Variants in NALCN observed in about 807,000 individuals in gnomAD.
The protein encoded by NALCN is sodium leak channel, non-selective.
NALCN carries 111 observed loss-of-function variants against 225.3 expected under a neutral mutation model. That is an observed-to-expected ratio of 0.49 (90% CI 0.42 to 0.58). The LOEUF is 0.58. NALCN is among the 20% of genes least tolerant of loss of function. NALCN has a pLI of 0.00. For synonymous variants in NALCN, 764 were observed against 769.0 expected (o/e 0.99, Z 0.11); for missense variants, 1,378 against 2,202.4 (o/e 0.63, Z 7.49).
intron 14 of NALCN, among the ~76,000 whole-genome samples, chr13:101,189,335 C>T (rs2039585934): frequency 1.3e-5 from 2 of 152,126 alleles, no homozygotes; most frequent in African/African-American, 2.4e-5. Context: ...ATAAATGATA[C>T]TTGCATAAAT....
At chr13:101,291,101 G>T (rs1290207894) in intron 9 of NALCN, among the ~76,000 whole-genome samples, 1 of 152,044 alleles carries the variant, frequency 6.6e-6, no homozygotes, top group African/African-American at 2.4e-5. Context: ...CAAATTCTCA[G>T]GAGCCTTATG....
chr13:101,136,422 T>C (rs896983610), intron 17 of NALCN, among the ~76,000 whole-genome samples: 2 of 152,088 alleles, frequency 1.3e-5, no homozygotes, highest in Non-Finnish European at 2.9e-5. Flanking sequence ...ATCATTTACA[T>C]TAGGTATATC....
intron 7 of NALCN, among the ~76,000 whole-genome samples, chr13:101,337,215 A>C (rs924051475): frequency 6.6e-6 from 1 of 152,190 alleles, no homozygotes; most frequent in African/African-American, 2.4e-5. Flanking sequence ...AAAGCCAGAG[A>C]CCAACCCCTT....
At chr13:101,118,251 C>G (rs2035807086) in intron 18 of NALCN, among the ~76,000 whole-genome samples, 1 of 151,958 alleles carries the variant, frequency 6.6e-6, no homozygotes. Flanking sequence ...AAAAAATAGT[C>G]TATTAAAAAA....
intron 7 of NALCN, among the ~76,000 whole-genome samples, chr13:101,338,212 T>G (rs966215404): frequency 3.9e-5 from 6 of 152,352 alleles, no homozygotes; most frequent in African/African-American, 1.4e-4. Context: ...TCGTGTAGTG[T>G]TAAGGGCATA....
At chr13:101,207,159 G>C (rs1470869924) in intron 13 of NALCN, among the ~76,000 whole-genome samples, 1 of 152,114 alleles carries the variant, frequency 6.6e-6, no homozygotes, top group Admixed American at 6.6e-5. Flanking sequence ...GCTTTTTAGT[G>C]TCATTTTATA....
In NALCN at chr13:101,062,262, G is replaced by A; in HGVS notation, c.4605-144C>T. On this transcript the variant is annotated intron_variant, in intron 40 of 43. Coordinates refer to ENST00000251127, the MANE Select transcript of NALCN (RefSeq NM_052867.4). ...ACCCCTCGCCACCCGCATGTCTTGG[G>A]CTGGTCCTGTCACCTCTCTGTGTCT... 10 of 855,410 alleles carry A rather than the reference G, an allele frequency of 1.2e-5. No homozygotes were observed. In the South Asian group the frequency reaches 1.7e-4, roughly 15 times the overall value. 53.0% of individuals were successfully genotyped at this position (855,410 alleles called of 1,614,324 possible). A position where few individuals can be genotyped will look rare whatever the true frequency, so the allele number is the denominator to read the frequency against.
At chr13:101,077,282 A>G (rs182673436) in intron 34 of NALCN, among the ~76,000 whole-genome samples, 85 of 152,344 alleles carry the variant, frequency 5.6e-4, no homozygotes, top group Non-Finnish European at 1.1e-3. Flanking sequence ...ATTCGTACTT[A>G]GAGTGGGGGG....
chr13:101,203,626 T>C (rs946528379), intron 13 of NALCN, among the ~76,000 whole-genome samples: 1 of 152,260 alleles, frequency 6.6e-6, no homozygotes, highest in Non-Finnish European at 1.5e-5. Context: ...TTAAGGAATT[T>C]CTTTTAGATA....
At chr13:101,097,596 A>G (rs1445480898) in intron 27 of NALCN, among the ~76,000 whole-genome samples, 1 of 152,096 alleles carries the variant, frequency 6.6e-6, no homozygotes, top group Non-Finnish European at 1.5e-5. Flanking sequence ...CAAATTATTT[A>G]ATCTTTCTAC....
chr13:101,228,935 A>C (rs1362799432), intron 13 of NALCN, among the ~76,000 whole-genome samples: 3 of 152,202 alleles, frequency 2.0e-5, no homozygotes, highest in Non-Finnish European at 4.4e-5. Context: ...CTACTGAGAA[A>C]GCTGAGAGAC....
intron 1 of NALCN, among the ~76,000 whole-genome samples, chr13:101,410,491 A>C (rs2047749405): frequency 6.6e-6 from 1 of 152,226 alleles, no homozygotes; most frequent in Non-Finnish European, 1.5e-5. Flanking sequence ...TTTCCTCAGA[A>C]ATCTTCAGAA....
chr13:101,257,600 G>A (rs1310002613), intron 11 of NALCN, among the ~76,000 whole-genome samples: 36 of 151,912 alleles, frequency 2.4e-4, no homozygotes, highest in Non-Finnish European at 8.8e-5. Flanking sequence ...ACTTTTTTCT[G>A]TCTTTTCAGT....
chr13:101,320,335 T>C (rs1456765446), intron 7 of NALCN, among the ~76,000 whole-genome samples: 1 of 152,196 alleles, frequency 6.6e-6, no homozygotes, highest in African/African-American at 2.4e-5. Context: ...AAACCTCTGG[T>C]TGTCATTTTA....
chr13:101,218,892 C>G (rs1426974632), intron 13 of NALCN, among the ~76,000 whole-genome samples: 1 of 152,084 alleles, frequency 6.6e-6, no homozygotes, highest in African/African-American at 2.4e-5. Flanking sequence ...TACCCAGTCT[C>G]AGATATTTCT....
intron 15 of NALCN, among the ~76,000 whole-genome samples, chr13:101,164,753 T>A (rs2038358952): frequency 6.6e-6 from 1 of 152,208 alleles, no homozygotes; most frequent in African/African-American, 2.4e-5. Context: ...TTATAAAAAG[T>A]CTAACATTTA....
chr13:101,084,582 A>G (rs2033838218), intron 30 of NALCN, among the ~76,000 whole-genome samples: 1 of 127,988 alleles, frequency 7.8e-6, no homozygotes, highest in African/African-American at 3.1e-5. Context: ...ATATTTATAG[A>G]AATGGACTCC....
At chr13:101,299,262 G>A (rs1264903504) in intron 7 of NALCN, among the ~76,000 whole-genome samples, 1 of 152,108 alleles carries the variant, frequency 6.6e-6, no homozygotes, top group Non-Finnish European at 1.5e-5. Context: ...TTGGGGGAAG[G>A]GAGGCTATCT....
chr13:101,199,416 T>G (rs2040022586), intron 13 of NALCN, among the ~76,000 whole-genome samples: 1 of 151,824 alleles, frequency 6.6e-6, no homozygotes. Flanking sequence ...CCAACAATTA[T>G]AGACTGGATT....
Sources: allele counts gnomAD v4.1 joint callset (sites outside exome capture counted in the v4.1 genomes callset), GRCh38; gene constraint gnomAD v4.1.1; transcripts MANE v1.5; gene names NCBI Gene and HGNC (gene_info 2026-07-23, HGNC 2026-07-21).